The following ARRB2 variants were observed in gnomAD, a reference collection of about 807,000 sequenced individuals.
ARRB2 encodes beta-arrestin-2.
A neutral mutation model predicts 53.4 loss-of-function variants in ARRB2; 21 were observed. The ratio of observed to expected loss-of-function variants is 0.39; its 90% CI spans 0.28 to 0.57. The LOEUF (loss-of-function observed/expected upper bound fraction) is 0.57, where lower values mean the gene tolerates loss of function less well. ARRB2 is among the 20% of genes least tolerant of loss of function. ARRB2 has a pLI of 0.55. For missense variants in ARRB2, 369 were observed against 527.5 expected (o/e 0.70, Z 2.94); for synonymous variants, 180 against 212.9 (o/e 0.85, Z 1.34).
Position 4,717,614 on chromosome 17 carries a change from G to C in ARRB2, c.418-71G>C, listed in dbSNP as rs1915203688. ...GAGTCCCTGCCCGAGAGGAGGGAAG[G>C]GGGAGGAAGAAAGGGCAGTGATGGT... is the stretch of plus-strand genomic sequence containing the variant. On this transcript the variant is annotated intron_variant, in intron 6 of 14. Coordinates refer to ENST00000269260, the MANE Select transcript of ARRB2 (RefSeq NM_004313.4). The surrounding 1 kb of genome is among the most constrained non-coding windows in gnomAD (Gnocchi z 6.0). 2 of 1,592,010 alleles carry C rather than the reference G, an allele frequency of 1.3e-6. No homozygotes were observed. The highest frequency in any genetic ancestry group is 1.7e-5 in the Admixed American group (1 of 59,978).
In ARRB2 at chr17:4,715,147, C is replaced by G. The variant is rs182279838; in HGVS notation, c.54+104C>G. On this transcript the variant is annotated intron_variant, in intron 2 of 14. Transcript: ENST00000269260. ...CCTACCCAAAGATGATCCCCAACCCCTAGCTCCCCACTTCCTGTGACAGCT... is the reference window on the plus strand; with the variant it reads ...CCTACCCAAAGATGATCCCCAACCCGTAGCTCCCCACTTCCTGTGACAGCT... 40 of 1,315,168 alleles carry G rather than the reference C, an allele frequency of 3.0e-5. No homozygotes were observed. The African/African-American group carries it at 4.4e-4, about 15-fold the overall frequency. The allele number at this position is 1,315,168 out of a possible 1,614,324, so 81.5% of individuals were successfully genotyped here.
At chr17:4,719,550 G>A in intron 11 of ARRB2, 130 bp downstream of exon 11, 5 of 1,332,358 alleles carry the variant, frequency 3.8e-6, no homozygotes, top group South Asian at 1.5e-5. Flanking sequence ...TCTAGGGGAG[G>A]GAGGATAGCC....
intron 14 of ARRB2, 150 bp from the exon 15 acceptor site, chr17:4,720,795 CT>C: frequency 1.9e-6 from 2 of 1,043,402 alleles, no homozygotes; most frequent in Non-Finnish European, 2.8e-6. Context: ...CTCTTGCTGC[CT>C]TTTCTTTGTC....
chr17:4,718,781 C>CTT, intron 10 of ARRB2, 97 bp downstream of exon 10: 3 of 1,085,284 alleles, frequency 2.8e-6, no homozygotes, highest in South Asian at 1.6e-5. Flanking sequence ...GCCATCTCCA[C>CTT]CTTTTTTTTT....
At position 4,716,625 on chromosome 17, in the gene ARRB2, C is replaced by T. The variant is rs1334519367; in HGVS notation, c.357+17C>T. 3.9e-6 allele frequency: 6 copies of T among 1,551,610 alleles called. No homozygotes were observed. The highest frequency in any genetic ancestry group is 2.4e-5 in the East Asian group (1 of 41,274). ...TTCTTCACCGTGAGGATGCCCCTGCCCTCTGAGGGCCAGGGGGCTGGGGCT... is the reference window on the plus strand; with the variant it reads ...TTCTTCACCGTGAGGATGCCCCTGCTCTCTGAGGGCCAGGGGGCTGGGGCT... On this transcript the variant is annotated intron_variant, in intron 5 of 14. Transcript: ENST00000269260.
rs1247193712 is a variant in ARRB2, at chr17:4,716,488, C to G, written c.237C>G (p.Asp79Glu). 1 of 1,614,162 alleles carries G rather than the reference C, an allele frequency of 6.2e-7. No individual in the cohort carries two copies. The highest frequency in any genetic ancestry group is 1.7e-5 in the Admixed American group (1 of 60,032). The change falls in exon 5 of 15, where the codon GAC becomes GAG. Residue 79 changes from aspartate (D) to glutamate (E), a missense_variant. By Grantham distance (45) the Asp-to-Glu change is conservative. Coordinates refer to ENST00000269260, the MANE Select transcript of ARRB2 (RefSeq NM_004313.4). ...TGCTGGGCTTGTCCTTCCGCAAAGACCTGTTCATCGCCACCTACCAGGCCT... is the reference window on the plus strand; with the variant it reads ...TGCTGGGCTTGTCCTTCCGCAAAGAGCTGTTCATCGCCACCTACCAGGCCT... ...LDVLGLSFRK[D>E]LFIATYQAFP...
intron 1 of ARRB2, among the ~76,000 whole-genome samples, chr17:4,713,547 C>T (rs1055018851): frequency 2.0e-5 from 3 of 152,002 alleles, no homozygotes; most frequent in Admixed American, 1.3e-4. Flanking sequence ...AGGAGAATGG[C>T]GTGAACCCGG....
rs72824979 is a variant in ARRB2, at chr17:4,717,133, G to A, written c.358-84G>A. On this transcript the variant is annotated intron_variant, in intron 5 of 14. Transcript: ENST00000269260. This position sits in a 1 kb window ranked among gnomAD's most constrained non-coding sequence, Gnocchi z 6.0. ...ACAGGCATGAGCCACCACACCCAGC[G>A]TCTCCAGCCTCTTAGGTTGAGATTT... The A allele has an allele frequency of 1.7e-3, 2,462 of 1,468,674 alleles. 1 individual carries two copies. The highest frequency in any genetic ancestry group is 2.1e-3 in the Non-Finnish European group (2,253 of 1,049,032). 91.0% of individuals were successfully genotyped at this position (1,468,674 alleles called of 1,614,324 possible).
rs777939049 is a variant in ARRB2 at position 4,719,275 on chromosome 17, AC to A, written c.780-3del. 3 of 1,608,564 alleles carry A rather than the reference AC, an allele frequency of 1.9e-6. No homozygotes were observed. In the African/African-American group the frequency reaches 4.0e-5, roughly 22 times the overall value. The stretch of plus-strand genomic sequence containing the variant: ...CTAAGCATCTTGTTCTCTTGTCCCC[AC>A]CCCCAGTGACCAGGTATCTCCCAGC... On this transcript the variant is annotated splice_region_variant and splice_polypyrimidine_tract_variant and intron_variant, in intron 10 of 14. Transcript: ENST00000269260.
At chr17:4,715,845 GA>G in intron 2 of ARRB2, 127 bp from the exon 3 acceptor site, 1 of 1,083,894 alleles carries the variant, frequency 9.2e-7, no homozygotes, top group Non-Finnish European at 1.4e-6. Flanking sequence ...CTATTGGGAG[GA>G]AACCTGGAAC....
At chr17:4,712,032 A>T (rs141521510) in intron 1 of ARRB2, among the ~76,000 whole-genome samples, 7 of 152,216 alleles carry the variant, frequency 4.6e-5, no homozygotes, top group African/African-American at 1.7e-4. Flanking sequence ...CCAAAGGGCA[A>T]GTGCCTTGCA....
chr17:4,717,595 C>T lies in ARRB2; in HGVS notation c.418-90C>T. The T allele has an allele frequency of 1.9e-6, 3 of 1,545,790 alleles. No homozygotes were observed. The highest frequency in any genetic ancestry group is 1.7e-5 in the Admixed American group (1 of 59,720). On this transcript the variant is annotated intron_variant, in intron 6 of 14. Coordinates refer to ENST00000269260, the MANE Select transcript of ARRB2 (RefSeq NM_004313.4). This position sits in a 1 kb window ranked among gnomAD's most constrained non-coding sequence, Gnocchi z 6.0. Reference sequence around the variant, plus strand: ...TGAGACCACAATGAGGCAAGAGTCCCTGCCCGAGAGGAGGGAAGGGGGAGG... The same window carrying T: ...TGAGACCACAATGAGGCAAGAGTCCTTGCCCGAGAGGAGGGAAGGGGGAGG...
Position 4,710,650 on chromosome 17 carries a change from G to A in ARRB2, c.-72G>A, listed in dbSNP as rs1448322617. On this transcript the variant is annotated 5_prime_UTR_variant, in exon 1 of 15. Transcript: ENST00000269260. ...CGCGTGCGCATTGGCGCGGGGAGGA[G>A]CAGGGATCTTGGCAGCGGGCGAGGA... 1.3e-5 allele frequency: 5 copies of A among 398,252 alleles called. No homozygotes were observed. Among genetic ancestry groups the A allele is most frequent in the African/African-American group, 1.0e-4 (5 of 48,574 alleles). 24.7% of individuals were successfully genotyped at this position (398,252 alleles called of 1,614,324 possible).
chr17:4,711,803 A>G (rs3786047), intron 1 of ARRB2, among the ~76,000 whole-genome samples: 94,728 of 152,030 alleles, frequency 0.62, 30,935 homozygotes, highest in East Asian at 0.82. Flanking sequence ...CGGATGGACC[A>G]AAGGAGACTG....
chr17:4,718,145 CG>C, intron 8 of ARRB2, 115 bp from the exon 9 acceptor site: 1 of 1,556,736 alleles, frequency 6.4e-7, no homozygotes, highest in Non-Finnish European at 8.7e-7. Flanking sequence ...GGACAGTTGC[CG>C]TGGGCTTGGG....
At position 4,717,765 on chromosome 17, in the gene ARRB2, AC is replaced by A. The variant is rs749920277; in HGVS notation, c.485+15del. On this transcript the variant is annotated intron_variant, in intron 7 of 14. Coordinates refer to ENST00000269260, the MANE Select transcript of ARRB2 (RefSeq NM_004313.4). This position sits in a 1 kb window ranked among gnomAD's most constrained non-coding sequence, Gnocchi z 6.0. Reference sequence around the variant, plus strand: ...AAAGCCACAAAAGGTAAGGGAAGTGACCTCCTCTGTGGTGTAAGAGGAGGCT... The same window carrying A: ...AAAGCCACAAAAGGTAAGGGAAGTGACTCCTCTGTGGTGTAAGAGGAGGCT... The A allele has an allele frequency of 1.9e-6, 3 of 1,612,590 alleles. No individual in the cohort carries two copies. In the South Asian group the frequency reaches 3.3e-5, roughly 18 times the overall value.
chr17:4,717,924 C>A lies in ARRB2; in HGVS notation c.522C>A (p.Phe174Leu). The A allele has an allele frequency of 1.2e-6, 2 of 1,613,894 alleles. No homozygotes were observed. Among genetic ancestry groups the A allele is most frequent in the Non-Finnish European group, 1.7e-6 (2 of 1,180,016 alleles). Reference protein sequence around the residue: ...SVRLVIRKVQFAPEKPGPQPS... With the variant: ...SVRLVIRKVQLAPEKPGPQPS... ...GGCTGGTGATCCGAAAGGTGCAGTT[C>A]GCCCCGGAGAAACCCGGCCCCCAGC... is the stretch of plus-strand genomic sequence containing the variant. Residue 174 changes from phenylalanine to leucine, a missense_variant, in exon 8 of 15, where the codon TTC (phenylalanine) becomes TTA (leucine). Phe to Leu is a conservative substitution (Grantham distance 22). Transcript: ENST00000269260. The surrounding 1 kb of genome is among the most constrained non-coding windows in gnomAD (Gnocchi z 6.0).
chr17:4,718,452 G>T, intron 9 of ARRB2, 107 bp downstream of exon 9: 1 of 1,354,202 alleles, frequency 7.4e-7, no homozygotes, highest in Non-Finnish European at 1.0e-6. Flanking sequence ...AGACCCACCA[G>T]GGCTCAAAGA....
intron 1 of ARRB2, among the ~76,000 whole-genome samples, chr17:4,713,510 A>G (rs1914638340): frequency 6.6e-6 from 1 of 152,148 alleles, no homozygotes; most frequent in Non-Finnish European, 1.5e-5. Flanking sequence ...GGGTGCCTGT[A>G]GTCCCAGCTA....
Sources: gnomAD v4.1 joint callset for allele counts (sites outside exome capture counted in the v4.1 genomes callset) on GRCh38, gnomAD v4.1.1 for gene constraint, Gnocchi (gnomAD v3.1) non-coding constraint, MANE v1.5 for transcripts, NCBI Gene and HGNC (gene_info 2026-07-23, HGNC 2026-07-21) for gene names.